MIPEP: variants seen among roughly 807,000 people sequenced by gnomAD.
The protein encoded by MIPEP is mitochondrial intermediate peptidase.
Under a neutral mutation model 90.3 loss-of-function variants are expected in MIPEP, and 79 were observed. The observed-to-expected ratio is 0.87, with a 90% CI of 0.73 to 1.05. The LOEUF is 1.05. Ranked by LOEUF, MIPEP falls within the 50% of genes least tolerant of loss-of-function variation. The pLI is 0.00. For synonymous variants in MIPEP, 334 were observed against 315.8 expected (o/e 1.06, Z -0.61); for missense variants, 940 against 905.6 (o/e 1.04, Z -0.49).
intron 14 of MIPEP, among the ~76,000 whole-genome samples, 187 bp downstream of exon 14, chr13:23,836,053 G>A (rs1869026075): frequency 6.6e-6 from 1 of 152,164 alleles, no homozygotes; most frequent in Non-Finnish European, 1.5e-5. Flanking sequence ...ATGACTATAT[G>A]CTAGGACTAT....
intron 2 of MIPEP, among the ~76,000 whole-genome samples, chr13:23,884,099 G>A (rs1871371143): frequency 6.6e-6 from 1 of 152,174 alleles, no homozygotes; most frequent in African/African-American, 2.4e-5. Context: ...AGATGGGGAT[G>A]AGTTATGCTG....
Position 23,853,459 on chromosome 13 carries a change from G to A in MIPEP, c.1106+5401C>T, listed in dbSNP as rs114682450. On this transcript the variant is annotated intron_variant, in intron 10 of 18. Transcript: ENST00000382172. ...TTCTGTGCAGGTTTGTAGCCTAGGA[G>A]CGACAGGCTATACCAGAGAGCATAG... Among the ~76,000 whole-genome samples, 1,394 of 152,250 alleles carry A rather than the reference G, an allele frequency of 9.2e-3. 17 individuals carry two copies. The highest frequency in any genetic ancestry group is 0.031 in the African/African-American group (1,306 of 41,542).
intron 18 of MIPEP, among the ~76,000 whole-genome samples, chr13:23,738,385 A>G (rs140612297): frequency 0.019 from 2,870 of 151,618 alleles, 85 homozygotes; most frequent in African/African-American, 0.064. Flanking sequence ...TCTTCTTCCA[A>G]TGTGGCCCAG....
chr13:23,732,898 G>T (rs909190544), intron 18 of MIPEP, among the ~76,000 whole-genome samples: 1 of 152,160 alleles, frequency 6.6e-6, no homozygotes, highest in African/African-American at 2.4e-5. Flanking sequence ...GAGATTTTGC[G>T]TTTCACTGTA....
intron 10 of MIPEP, among the ~76,000 whole-genome samples, chr13:23,852,965 AT>A (rs1593191595): frequency 6.6e-6 from 1 of 152,322 alleles, no homozygotes; most frequent in Admixed American, 6.5e-5. Context: ...TACAAAAAAA[AT>A]TTTTAATAGA....
In MIPEP at chr13:23,806,082, A is replaced by C. The variant is rs1953103721; in HGVS notation, c.1729-13T>G. On this transcript the variant is annotated splice_polypyrimidine_tract_variant and intron_variant, in intron 15 of 18. Coordinates refer to ENST00000382172, the MANE Select transcript of MIPEP (RefSeq NM_005932.4). ...TGGCATAAAAGACCTAGATAGATAA[A>C]AACATCTACTTAGTTTTGGTCGTCC... The C allele has an allele frequency of 1.9e-6, 3 of 1,613,442 alleles. No homozygotes were observed. In the East Asian group the frequency reaches 6.7e-5, roughly 36 times the overall value.
chr13:23,734,796 C>T lies in MIPEP; in HGVS notation c.2045-4351G>A, dbSNP rs150470858. 1.4e-4 allele frequency among the ~76,000 whole-genome samples: 21 copies of T among 152,106 alleles called. No individual in the cohort carries two copies. The East Asian group carries it at 2.1e-3, about 15-fold the overall frequency. ...CCCAAACCTCTAACAGCAGTTAGTG[C>T]GGCATCTCCACAGGGGGGAATGTTG... On this transcript the variant is annotated intron_variant, in intron 18 of 18. Transcript: ENST00000382172.
At chr13:23,819,380 C>T (rs1953279414) in intron 14 of MIPEP, among the ~76,000 whole-genome samples, 1 of 152,206 alleles carries the variant, frequency 6.6e-6, no homozygotes, top group Non-Finnish European at 1.5e-5. Context: ...GAACCTGATG[C>T]TAATCAATCG....
intron 14 of MIPEP, among the ~76,000 whole-genome samples, chr13:23,819,870 G>A (rs1245669506): frequency 2.0e-5 from 3 of 152,096 alleles, no homozygotes; most frequent in African/African-American, 7.2e-5. Context: ...TTAGCCAGGT[G>A]TGGTGGCATG....
chr13:23,831,491 T>A lies in MIPEP; in HGVS notation c.1653+4749A>T, dbSNP rs187754799. Among the ~76,000 whole-genome samples the A allele has an allele frequency of 5.2e-4, 79 of 152,050 alleles. 2 individuals carry two copies. The East Asian group carries it at 0.015, about 29-fold the overall frequency. On this transcript the variant is annotated intron_variant, in intron 14 of 18. Coordinates refer to ENST00000382172, the MANE Select transcript of MIPEP (RefSeq NM_005932.4). ...AACAGAAGCTTATGTAGCTTACAAT[T>A]CTGTAGGCTAGGAACTTCAAGACTG... is the stretch of plus-strand genomic sequence containing the variant.
intron 16 of MIPEP, among the ~76,000 whole-genome samples, chr13:23,797,985 G>A (rs1009366702): frequency 6.6e-6 from 1 of 152,170 alleles, no homozygotes; most frequent in South Asian, 2.1e-4. Context: ...AGGCTATTTC[G>A]AATACAGGCT....
rs1161376119 is a variant in MIPEP at position 23,870,191 on chromosome 13, T to C, written c.608A>G (p.Lys203Arg). The change falls in exon 6 of 19, where the codon AAA becomes AGA. Residue 203 changes from lysine (K) to arginine (R), a missense_variant. Lys to Arg is a conservative substitution (Grantham distance 26, BLOSUM62 2). Transcript: ENST00000382172. ...TTTAACATTGAGGTCCACTGCTCTT[T>C]TACGCTGTATGCAGGAGGAGTAAAA... ...SGIHLDKEKR[K>R]RAVDLNVKIL... 2 of 1,594,768 alleles carry C rather than the reference T, an allele frequency of 1.3e-6. No individual in the cohort carries two copies. Among genetic ancestry groups the C allele is most frequent in the East Asian group, 2.3e-5 (1 of 44,308 alleles).
chr13:23,882,452 G>T lies in MIPEP; in HGVS notation c.364-665C>A, dbSNP rs138021145. 6.0e-3 allele frequency among the ~76,000 whole-genome samples: 909 copies of T among 152,132 alleles called. 8 individuals carry two copies. The highest frequency in any genetic ancestry group is 0.011 in the Non-Finnish European group (720 of 67,992). On this transcript the variant is annotated intron_variant, in intron 2 of 18. Transcript: ENST00000382172. ...GGTAGTCTTTGTGCAGAAAACAAAG[G>T]CACGGTCTCTTCATAGTCCTTTCAA...
intron 9 of MIPEP, among the ~76,000 whole-genome samples, chr13:23,859,607 G>A (rs1477522505): frequency 6.6e-6 from 1 of 152,190 alleles, no homozygotes; most frequent in African/African-American, 2.4e-5. Flanking sequence ...TAAACTGCAT[G>A]ATGACAGGGA....
chr13:23,795,559 T>A (rs188730543), intron 16 of MIPEP, among the ~76,000 whole-genome samples: 1 of 152,126 alleles, frequency 6.6e-6, no homozygotes, highest in Admixed American at 6.5e-5. Flanking sequence ...GGATAATTAT[T>A]TTCTTATCTT....
intron 18 of MIPEP, among the ~76,000 whole-genome samples, chr13:23,754,708 T>C (rs1017585585): frequency 6.6e-6 from 1 of 152,150 alleles, no homozygotes; most frequent in African/African-American, 2.4e-5. Context: ...CAGCATGGCC[T>C]GGGAAAGGAT....
intron 10 of MIPEP, among the ~76,000 whole-genome samples, chr13:23,854,255 C>T (rs1352309162): frequency 4.2e-5 from 6 of 142,448 alleles, no homozygotes; most frequent in South Asian, 2.3e-4. Flanking sequence ...TATTGCTCTA[C>T]TTCTGTTTGT....
At chr13:23,873,462 C>T (rs1053877452) in intron 5 of MIPEP, among the ~76,000 whole-genome samples, 1 of 152,152 alleles carries the variant, frequency 6.6e-6, no homozygotes, top group African/African-American at 2.4e-5. Flanking sequence ...AATAACGTCC[C>T]ACAACCTCTA....
At chr13:23,770,753 A>C (rs1021272648) in intron 16 of MIPEP, among the ~76,000 whole-genome samples, 1 of 152,176 alleles carries the variant, frequency 6.6e-6, no homozygotes, top group Non-Finnish European at 1.5e-5. Flanking sequence ...TTCAGTGGGA[A>C]GATTTATTGA....
Sources: allele counts gnomAD v4.1 joint callset (sites outside exome capture counted in the v4.1 genomes callset), GRCh38; gene constraint gnomAD v4.1.1; transcripts MANE v1.5; gene names NCBI Gene and HGNC (gene_info 2026-07-23, HGNC 2026-07-21).